Variants in ADAM9 observed in about 807,000 individuals in gnomAD.
The protein encoded by ADAM9 is ADAM metallopeptidase domain 9.
A neutral mutation model predicts 108.1 loss-of-function variants in ADAM9; 54 were observed. The ratio of observed to expected loss-of-function variants is 0.50; its 90% CI spans 0.40 to 0.63. ADAM9 has a LOEUF of 0.63. Ranked by LOEUF, ADAM9 falls within the 20% of genes least tolerant of loss-of-function variation. The pLI is 0.00. For missense variants in ADAM9, 830 were observed against 997.7 expected (o/e 0.83, Z 2.26); for synonymous variants, 316 against 336.0 (o/e 0.94, Z 0.65).
At chr8:39,085,218 T>C (rs1245873654) in intron 18 of ADAM9, among the ~76,000 whole-genome samples, 1 of 152,192 alleles carries the variant, frequency 6.6e-6, no homozygotes, top group African/African-American at 2.4e-5. Context: ...CTTGATATTT[T>C]CCATCAGTCT....
intron 1 of ADAM9, among the ~76,000 whole-genome samples, chr8:39,006,260 T>C (rs1163951883): frequency 6.6e-6 from 1 of 152,210 alleles, no homozygotes; most frequent in Non-Finnish European, 1.5e-5. Context: ...TACAGAAATA[T>C]AAGGGATTGA....
At chr8:39,081,451 TTC>T (rs909978712) in intron 16 of ADAM9, among the ~76,000 whole-genome samples, 1 of 152,236 alleles carries the variant, frequency 6.6e-6, no homozygotes, top group African/African-American at 2.4e-5. Context: ...CAGGAAAATC[TTC>T]TTTTAACTGG....
chr8:39,103,942 T>C lies in ADAM9; in HGVS notation c.*242T>C, dbSNP rs768608764. 6.4e-5 allele frequency: 42 copies of C among 656,894 alleles called. No homozygotes were observed. Among genetic ancestry groups the C allele is most frequent in the Non-Finnish European group, 2.2e-5 (8 of 358,310 alleles). The allele number at this position is 656,894 out of a possible 1,614,324, so 40.7% of individuals were successfully genotyped here. On this transcript the variant is annotated 3_prime_UTR_variant, in exon 22 of 22. Transcript: ENST00000487273. ...CGTTTCCATCATTGAATAAGTCTTA[T>C]TCAGTCATCGGTGAGGTTAATGCAC...
At chr8:39,000,714 G>C (rs920394930) in intron 1 of ADAM9, among the ~76,000 whole-genome samples, 4 of 152,050 alleles carry the variant, frequency 2.6e-5, no homozygotes, top group Admixed American at 2.6e-4. Context: ...TGTTCCTCCT[G>C]CATCAGCCTC....
intron 11 of ADAM9, among the ~76,000 whole-genome samples, chr8:39,037,835 A>G (rs935728637): frequency 6.6e-6 from 1 of 152,216 alleles, no homozygotes; most frequent in Non-Finnish European, 1.5e-5. Context: ...TGTTTATCAA[A>G]TAATTATTTT....
chr8:39,000,471 T>TC (rs1180410500), intron 1 of ADAM9, among the ~76,000 whole-genome samples: 4 of 151,964 alleles, frequency 2.6e-5, no homozygotes, highest in Non-Finnish European at 5.9e-5. Context: ...CTTTTTTTTT[T>TC]CTTTCTGAGA....
chr8:39,053,613 C>T (rs1325886045), intron 12 of ADAM9, among the ~76,000 whole-genome samples: 1 of 152,054 alleles, frequency 6.6e-6, no homozygotes, highest in Non-Finnish European at 1.5e-5. Context: ...TTAGTGGTGA[C>T]ATCTTATAAA....
intron 1 of ADAM9, 121 bp from the exon 2 acceptor site, chr8:39,007,765 T>C (rs1205149547): frequency 1.4e-6 from 1 of 704,278 alleles, no homozygotes; most frequent in Non-Finnish European, 2.5e-6. Flanking sequence ...TATATGCATA[T>C]TGTAATATGG....
chr8:39,005,077 G>C (rs545218267), intron 1 of ADAM9, among the ~76,000 whole-genome samples: 23 of 152,266 alleles, frequency 1.5e-4, no homozygotes, highest in African/African-American at 5.5e-4. Context: ...TCTGGTCTGA[G>C]TGCTGCTGAC....
intron 12 of ADAM9, among the ~76,000 whole-genome samples, chr8:39,044,075 A>G (rs145214866): frequency 5.3e-5 from 8 of 152,232 alleles, no homozygotes; most frequent in African/African-American, 1.7e-4. Flanking sequence ...TATGCTGTGT[A>G]GAAGGTTTTT....
chr8:39,073,808 A>T (rs7835614), intron 15 of ADAM9, among the ~76,000 whole-genome samples: 12,990 of 152,166 alleles, frequency 0.085, 871 homozygotes, highest in African/African-American at 0.19. Context: ...CAAACTTTAA[A>T]ATTACTGAGT....
Position 39,105,037 on chromosome 8 carries a change from T to C in ADAM9, c.*1337T>C. ...CCTAGTAGCTTCCTACTCAACTATTTATAATCTCATTAATTAAAAAGTTAT... is the reference window on the plus strand; with the variant it reads ...CCTAGTAGCTTCCTACTCAACTATTCATAATCTCATTAATTAAAAAGTTAT... On this transcript the variant is annotated 3_prime_UTR_variant, in exon 22 of 22. Coordinates refer to ENST00000487273, the MANE Select transcript of ADAM9 (RefSeq NM_003816.3). 7.3e-6 allele frequency: 3 copies of C among 412,750 alleles called. No homozygotes were observed. The highest frequency in any genetic ancestry group is 1.4e-5 in the Non-Finnish European group (3 of 215,236). The allele number at this position is 412,750 out of a possible 1,614,324, so 25.6% of individuals were successfully genotyped here. A position where few individuals can be genotyped will look rare whatever the true frequency, so the allele number is the denominator to read the frequency against.
At chr8:39,061,322 C>T (rs1838291265) in intron 14 of ADAM9, among the ~76,000 whole-genome samples, 1 of 152,150 alleles carries the variant, frequency 6.6e-6, no homozygotes, top group African/African-American at 2.4e-5. Flanking sequence ...ATTATGCATT[C>T]TGGAATTGTG....
At chr8:39,008,554 G>A (rs892014529) in intron 2 of ADAM9, among the ~76,000 whole-genome samples, 1 of 152,130 alleles carries the variant, frequency 6.6e-6, no homozygotes, top group Non-Finnish European at 1.5e-5. Flanking sequence ...TGTATCACTA[G>A]GGTAGGCTGC....
rs1381182727 is a variant in ADAM9, at chr8:39,055,785, C to T, written c.1591+13C>T. The T allele has an allele frequency of 6.2e-7, 1 of 1,606,550 alleles. No individual in the cohort carries two copies. Among genetic ancestry groups the T allele is most frequent in the African/African-American group, 1.3e-5 (1 of 74,748 alleles). On this transcript the variant is annotated intron_variant, in intron 14 of 21. Transcript: ENST00000487273. ...ATCTTTGGCTCAAGTAAGATATCAT[C>T]ATTTATAATTGATTGCTTCGATATT...
At chr8:39,007,709 A>G (rs1010306068) in intron 1 of ADAM9, among the ~76,000 whole-genome samples, 177 bp from the exon 2 acceptor site, 6 of 152,194 alleles carry the variant, frequency 3.9e-5, no homozygotes, top group African/African-American at 1.2e-4. Context: ...TACCTAATGC[A>G]TTGCTATTTT....
chr8:39,045,278 ATG>A (rs1564299453), intron 12 of ADAM9, among the ~76,000 whole-genome samples: 3 of 140,396 alleles, frequency 2.1e-5, no homozygotes, highest in African/African-American at 8.2e-5. Flanking sequence ...ATACATACAT[ATG>A]TATATGTGTG....
intron 12 of ADAM9, among the ~76,000 whole-genome samples, chr8:39,052,057 C>T (rs1425378799): frequency 6.6e-6 from 1 of 152,076 alleles, no homozygotes; most frequent in African/African-American, 2.4e-5. Context: ...TACATTTTAA[C>T]TTATATCAGA....
At chr8:39,000,926 C>T (rs1016206723) in intron 1 of ADAM9, among the ~76,000 whole-genome samples, 1 of 152,160 alleles carries the variant, frequency 6.6e-6, no homozygotes. Context: ...CACCCCCAGA[C>T]ATGTTATAAT....
Sources: gnomAD v4.1 joint callset for allele counts (sites outside exome capture counted in the v4.1 genomes callset) on GRCh38, gnomAD v4.1.1 for gene constraint, MANE v1.5 for transcripts, NCBI Gene and HGNC (gene_info 2026-07-23, HGNC 2026-07-21) for gene names.